MSANTD1: variants seen among roughly 807,000 people sequenced by gnomAD.
MSANTD1 encodes Myb/SANT DNA binding domain containing 1.
A neutral mutation model predicts 24.2 loss-of-function variants in MSANTD1; 7 were observed. That is an observed-to-expected ratio of 0.29 (90% CI 0.16 to 0.54). The LOEUF (loss-of-function observed/expected upper bound fraction) is 0.54, where lower values mean the gene tolerates loss of function less well. MSANTD1 is among the 20% of genes least tolerant of loss of function. MSANTD1 has a pLI of 0.94. For synonymous variants in MSANTD1, 177 were observed against 181.1 expected (o/e 0.98, Z 0.18); for missense variants, 384 against 408.2 (o/e 0.94, Z 0.51).
upstream of MSANTD1, among the ~76,000 whole-genome samples, chr4:3,246,087 C>T (rs553058812): frequency 3.3e-5 from 5 of 152,324 alleles, no homozygotes; most frequent in South Asian, 4.1e-4. Flanking sequence ...ACCTTCTACC[C>T]TGCCCCAGCG....
At chr4:3,245,952 T>C (rs1361795683), upstream of MSANTD1, among the ~76,000 whole-genome samples, 3 of 152,146 alleles carry the variant, frequency 2.0e-5, no homozygotes, top group Admixed American at 1.3e-4. Context: ...GGGTCTGGGT[T>C]CCCCTTGTGT....
chr4:3,254,041 A>G (rs1434832061), intron 2 of MSANTD1, among the ~76,000 whole-genome samples: 1 of 152,218 alleles, frequency 6.6e-6, no homozygotes, highest in Admixed American at 6.5e-5. Flanking sequence ...TGTGCCTGCA[A>G]GATGCTCACA....
At chr4:3,246,078 CCTT>C (rs1722017794), upstream of MSANTD1, among the ~76,000 whole-genome samples, 1 of 152,174 alleles carries the variant, frequency 6.6e-6, no homozygotes, top group Admixed American at 6.5e-5. Flanking sequence ...ACCCGCCCAA[CCTT>C]CTACCCTGCC....
At chr4:3,255,027 C>T (rs974288045) in intron 2 of MSANTD1, among the ~76,000 whole-genome samples, 1 of 152,178 alleles carries the variant, frequency 6.6e-6, no homozygotes, top group Non-Finnish European at 1.5e-5. Context: ...GTCTCTCCAC[C>T]CCTGGCCCCC....
At chr4:3,255,284 C>A (rs1472949715) in intron 2 of MSANTD1, among the ~76,000 whole-genome samples, 1 of 149,770 alleles carries the variant, frequency 6.7e-6, no homozygotes, top group Non-Finnish European at 1.5e-5. Context: ...AGAGCAGTGG[C>A]GCGATCTTGG....
upstream of MSANTD1, among the ~76,000 whole-genome samples, chr4:3,246,358 G>GC (rs1034501777): frequency 6.6e-6 from 1 of 152,216 alleles, no homozygotes; most frequent in African/African-American, 2.4e-5. Context: ...GAGCCCTGCT[G>GC]CCCCCACCCT....
chr4:3,247,397 G>A (rs1332552698), upstream of MSANTD1: 1 of 152,262 alleles, frequency 6.6e-6, no homozygotes, highest in East Asian at 1.9e-4. Context: ...CTCTGCCCTT[G>A]GAGTCATGGC....
At chr4:3,245,783 A>G (rs1722007477), upstream of MSANTD1, among the ~76,000 whole-genome samples, 1 of 152,166 alleles carries the variant, frequency 6.6e-6, no homozygotes, top group African/African-American at 2.4e-5. Context: ...GTCCTGTTGC[A>G]GCCACATCCT....
chr4:3,255,655 G>T, intron 2 of MSANTD1, 70 bp from the exon 3 acceptor site: 2 of 1,439,884 alleles, frequency 1.4e-6, no homozygotes, highest in Non-Finnish European at 9.1e-7. Context: ...TTGTCGGGAG[G>T]GTCCGGTGAG....
chr4:3,250,298 C>T (rs1051514005), intron 1 of MSANTD1, among the ~76,000 whole-genome samples: 1 of 152,222 alleles, frequency 6.6e-6, no homozygotes, highest in African/African-American at 2.4e-5. Context: ...GCCCTTCCTG[C>T]CCTGGCAACC....
chr4:3,245,396 G>C (rs73074853), upstream of MSANTD1: 3 of 152,408 alleles, frequency 2.0e-5, no homozygotes, highest in Non-Finnish European at 4.4e-5. Context: ...AGCACTGTAA[G>C]TCAGATGAGG....
rs371508114 is a variant in MSANTD1 at position 3,249,237 on chromosome 4, C to T, written c.15C>T (p.Ala5=). The change falls in exon 1 of 3, where the codon GCC becomes GCT. Residue 5 remains alanine (A), a synonymous_variant. Coordinates refer to ENST00000438480, the MANE Select transcript of MSANTD1 (RefSeq NM_001042690.2). ...GCCTCCCGCCCATGGTGCGTGGGGC[C>T]GGGCCGGGGCCCTCGCTGAGCGCGC... MVRG[A]GPGPSLSALS... is the part of the protein sequence containing the mutation. The T allele has an allele frequency of 1.6e-5, 23 of 1,423,862 alleles. No individual in the cohort carries two copies. The highest frequency in any genetic ancestry group is 2.9e-5 in the African/African-American group (2 of 67,960). The allele number at this position is 1,423,862 out of a possible 1,614,324, so 88.2% of individuals were successfully genotyped here.
At chr4:3,246,628 C>G (rs755612837), upstream of MSANTD1, 13 of 695,428 alleles carry the variant, frequency 1.9e-5, no homozygotes, top group African/African-American at 3.5e-5. Context: ...TAGGAGACCC[C>G]GTAGCGACTG....
At chr4:3,247,102 G>A (rs574721265), upstream of MSANTD1, among the ~76,000 whole-genome samples, 1 of 152,310 alleles carries the variant, frequency 6.6e-6, no homozygotes, top group East Asian at 1.9e-4. Flanking sequence ...GTCCCCAGCA[G>A]CTCCAAGGTG....
upstream of MSANTD1, chr4:3,249,130 A>G (rs572291983): frequency 1.7e-5 from 20 of 1,166,064 alleles, no homozygotes; most frequent in Non-Finnish European, 1.8e-5. Context: ...TTTCCCGTTT[A>G]AAAGCTTTTA....
upstream of MSANTD1, chr4:3,248,554 G>T (rs1002211926): frequency 2.0e-5 from 3 of 152,400 alleles, no homozygotes; most frequent in Non-Finnish European, 4.4e-5. Context: ...GGCAGGGCCT[G>T]GCTCTGACCA....
At chr4:3,253,083 C>A (rs1722277003) in intron 1 of MSANTD1, 124 bp from the exon 2 acceptor site, 3 of 999,386 alleles carry the variant, frequency 3.0e-6, no homozygotes, top group African/African-American at 1.7e-5. Context: ...GCTGGGGAGG[C>A]CCTTGCCAGC....
chr4:3,251,188 G>T (rs996919495), intron 1 of MSANTD1, among the ~76,000 whole-genome samples: 1 of 152,232 alleles, frequency 6.6e-6, no homozygotes, highest in Non-Finnish European at 1.5e-5. Flanking sequence ...TCCTGCTCAG[G>T]CACCTGGTGA....
upstream of MSANTD1, among the ~76,000 whole-genome samples, chr4:3,247,090 C>T (rs1158205103): frequency 6.6e-6 from 1 of 152,200 alleles, no homozygotes; most frequent in Non-Finnish European, 1.5e-5. Context: ...AGGCCTGACG[C>T]TGTCCCCAGC....
Sources: gnomAD v4.1 joint callset for allele counts (sites outside exome capture counted in the v4.1 genomes callset) on GRCh38, gnomAD v4.1.1 for gene constraint, MANE v1.5 for transcripts, NCBI Gene and HGNC (gene_info 2026-07-23, HGNC 2026-07-21) for gene names.